The following ATP13A5 variants were observed in gnomAD, a reference collection of about 807,000 sequenced individuals.
ATP13A5 encodes the protein probable cation-transporting ATPase 13A5.
ATP13A5 carries 149 observed loss-of-function variants against 150.2 expected under a neutral mutation model. That is an observed-to-expected ratio of 0.99 (90% CI 0.87 to 1.14). ATP13A5 has a LOEUF of 1.14. ATP13A5 is among the 50% of genes most tolerant of loss of function. The pLI, the probability that ATP13A5 is intolerant of heterozygous loss-of-function variation, is 0.00. For synonymous variants in ATP13A5, 497 were observed against 522.2 expected (o/e 0.95, Z 0.66); for missense variants, 1,383 against 1,449.3 (o/e 0.95, Z 0.74).
chr3:193,351,189 A>C lies in ATP13A5; in HGVS notation c.619T>G (p.Phe207Val), dbSNP rs1712549618. Reference sequence around the variant, plus strand: ...AGGGTGAAGGCTTGGAACACATAGAATGGATTTAAAACCTGCAGGCACAAA... The same window carrying C: ...AGGGTGAAGGCTTGGAACACATAGACTGGATTTAAAACCTGCAGGCACAAA... ...KLLVKQVLNPFYVFQAFTLTL... is the reference protein window; with the variant it reads ...KLLVKQVLNPVYVFQAFTLTL... The change falls in exon 7 of 30, where the codon TTC becomes GTC. Residue 207 changes from phenylalanine to valine, a missense_variant. By Grantham distance (50) the Phe-to-Val change is conservative. This residue lies in a region of ATP13A5 where 787 missense variants were observed against 771.9 expected (regional missense o/e 1.02). Transcript: ENST00000342358. 1 of 1,613,742 alleles carries C rather than the reference A, an allele frequency of 6.2e-7. No individual in the cohort carries two copies. The highest frequency in any genetic ancestry group is 8.5e-7 in the Non-Finnish European group (1 of 1,179,680).
chr3:193,329,196 G>T (rs988796291), intron 12 of ATP13A5, among the ~76,000 whole-genome samples: 2 of 151,424 alleles, frequency 1.3e-5, no homozygotes, highest in Non-Finnish European at 2.9e-5. Flanking sequence ...AGCTGAGATT[G>T]CACCACTGCA....
chr3:193,350,693 T>A (rs978093297), intron 7 of ATP13A5, among the ~76,000 whole-genome samples: 2 of 152,152 alleles, frequency 1.3e-5, no homozygotes, highest in African/African-American at 4.8e-5. Flanking sequence ...GGAAAATAGA[T>A]GGAAATGTTC....
At chr3:193,365,170 T>C (rs1713195390) in intron 1 of ATP13A5, among the ~76,000 whole-genome samples, 1 of 152,124 alleles carries the variant, frequency 6.6e-6, no homozygotes, top group Non-Finnish European at 1.5e-5. Flanking sequence ...GCTATTGTTG[T>C]TTTTGTGCTT....
Position 193,284,984 on chromosome 3 carries a change from G to A in ATP13A5, c.3156C>T (p.Thr1052=). Residue 1052 remains threonine, a synonymous_variant, in exon 27 of 30, where the codon ACC becomes ACT. Transcript: ENST00000342358. The stretch of plus-strand genomic sequence containing the variant: ...TGAATGCTACTGTGATATAGTTGAT[G>A]GTGGTGATGGGCCACAGTGTGGTGG... The part of the protein sequence containing the change: ...FETTTLWPIT[T]INYITVAFIF... The A allele has an allele frequency of 6.2e-7, 1 of 1,614,096 alleles. No individual in the cohort carries two copies. The highest frequency in any genetic ancestry group is 2.2e-5 in the East Asian group (1 of 44,868).
chr3:193,314,403 C>A, intron 18 of ATP13A5: 1 of 514,820 alleles, frequency 1.9e-6, no homozygotes, highest in South Asian at 3.2e-5. Context: ...ATATCCTGGT[C>A]CATGTGTATT....
chr3:193,287,786 T>C (rs1304742643), intron 26 of ATP13A5, among the ~76,000 whole-genome samples: 1 of 152,166 alleles, frequency 6.6e-6, no homozygotes, highest in Admixed American at 6.6e-5. Flanking sequence ...TTTTTAAGAC[T>C]ATAGCTGCCA....
chr3:193,318,606 C>T (rs1719141897), intron 17 of ATP13A5, among the ~76,000 whole-genome samples: 1 of 152,156 alleles, frequency 6.6e-6, no homozygotes, highest in African/African-American at 2.4e-5. Flanking sequence ...CTGTCTCCCT[C>T]TCTCAACCTC....
At chr3:193,318,916 T>C (rs1371945227) in intron 17 of ATP13A5, 75 bp downstream of exon 17, 12 of 1,003,928 alleles carry the variant, frequency 1.2e-5, no homozygotes, top group Non-Finnish European at 1.9e-5. Context: ...ATTAGAACTG[T>C]TCATCTGTTC....
chr3:193,355,734 A>G (rs1712758663), intron 5 of ATP13A5, among the ~76,000 whole-genome samples: 1 of 152,188 alleles, frequency 6.6e-6, no homozygotes, highest in African/African-American at 2.4e-5. Flanking sequence ...GAAAGAGCCC[A>G]TAACTCAAAC....
At chr3:193,341,311 T>C (rs1712119256) in intron 9 of ATP13A5, among the ~76,000 whole-genome samples, 1 of 152,132 alleles carries the variant, frequency 6.6e-6, no homozygotes, top group Non-Finnish European at 1.5e-5. Context: ...GTTTTTGAAG[T>C]CCTTCATGAG....
At position 193,321,739 on chromosome 3, in the gene ATP13A5, G is replaced by A; in HGVS notation, c.1857C>T (p.Phe619=). 6.2e-7 allele frequency: 1 copy of A among 1,614,168 alleles called. No individual in the cohort carries two copies. Among genetic ancestry groups the A allele is most frequent in the Non-Finnish European group, 8.5e-7 (1 of 1,180,026 alleles). The stretch of plus-strand genomic sequence containing the variant: ...CTGGGGCACCTTTCATGTAGACATG[G>A]AAATGATTCTCCCCAGCTAGCTGAG... The part of the protein sequence containing the change: ...VIAQLAGENH[F]HVYMKGAPEM... The change falls in exon 16 of 30, where the codon TTC becomes TTT. Residue 619 remains phenylalanine, a synonymous_variant. Coordinates refer to ENST00000342358, the MANE Select transcript of ATP13A5 (RefSeq NM_198505.4).
intron 15 of ATP13A5, 67 bp downstream of exon 15, chr3:193,322,424 G>T (rs986340150): frequency 8.2e-7 from 1 of 1,212,662 alleles, no homozygotes; most frequent in Non-Finnish European, 1.2e-6. Context: ...AAAAATATGT[G>T]CAAGTCAGAA....
intron 12 of ATP13A5, among the ~76,000 whole-genome samples, chr3:193,328,691 A>G (rs1364981611): frequency 1.3e-5 from 2 of 152,242 alleles, no homozygotes; most frequent in African/African-American, 4.8e-5. Context: ...ATTCAAGCCC[A>G]GGCTTGGGCT....
At chr3:193,329,731 TG>T (rs1711556928) in intron 12 of ATP13A5, among the ~76,000 whole-genome samples, 1 of 152,164 alleles carries the variant, frequency 6.6e-6, no homozygotes. Flanking sequence ...CCCTTTCACC[TG>T]GGGACCAAGC....
At chr3:193,316,819 A>G (rs1313483961) in intron 17 of ATP13A5, among the ~76,000 whole-genome samples, 2 of 152,184 alleles carry the variant, frequency 1.3e-5, no homozygotes, top group Non-Finnish European at 2.9e-5. Flanking sequence ...TCAGTTTAAT[A>G]TCCACCAGCA....
intron 27 of ATP13A5, among the ~76,000 whole-genome samples, chr3:193,280,015 C>G (rs1717411927): frequency 7.9e-6 from 1 of 127,092 alleles, no homozygotes; most frequent in Non-Finnish European, 1.6e-5. Context: ...CCCTGTGTAC[C>G]TGTGTACATA....
In ATP13A5 at chr3:193,274,937, G is replaced by T; in HGVS notation, c.*105C>A. ...CATTGAAAATATACTTTGAATGCTT[G>T]AATGGAGAGAGGAAAGGTAAGGGGA... On this transcript the variant is annotated 3_prime_UTR_variant, in exon 30 of 30. Coordinates refer to ENST00000342358, the MANE Select transcript of ATP13A5 (RefSeq NM_198505.4). 1 of 1,459,738 alleles carries T rather than the reference G, an allele frequency of 6.9e-7. No homozygotes were observed. The highest frequency in any genetic ancestry group is 1.3e-5 in the South Asian group (1 of 75,554). 90.4% of individuals were successfully genotyped at this position (1,459,738 alleles called of 1,614,324 possible).
At chr3:193,302,750 C>T (rs1577335858) in intron 23 of ATP13A5, among the ~76,000 whole-genome samples, 3 of 152,244 alleles carry the variant, frequency 2.0e-5, no homozygotes, top group East Asian at 1.9e-4. Flanking sequence ...GATGAAAATC[C>T]GTGGATTTGA....
At position 193,311,796 on chromosome 3, in the gene ATP13A5, CTTCT is replaced by C; in HGVS notation, c.2445+16_2445+19del. 6.2e-7 allele frequency: 1 copy of C among 1,612,932 alleles called. No individual in the cohort carries two copies. The highest frequency in any genetic ancestry group is 1.3e-5 in the African/African-American group (1 of 75,026). ...CTGATTTGAGGAGCAAAACAAAACA[CTTCT>C]TTCTTCAGTACTTACTTTTGGAAGC... On this transcript the variant is annotated intron_variant, in intron 20 of 29. Transcript: ENST00000342358.
Sources: allele counts gnomAD v4.1 joint callset (sites outside exome capture counted in the v4.1 genomes callset), GRCh38; gene constraint gnomAD v4.1.1; regional missense constraint gnomAD v4.1.1; transcripts MANE v1.5; gene names NCBI Gene and HGNC (gene_info 2026-07-23, HGNC 2026-07-21).